ANO2: variants seen among roughly 807,000 people sequenced by gnomAD.
ANO2 encodes anoctamin-2.
In ANO2, 101 loss-of-function variants were observed where a neutral mutation model predicts 124.2. The observed-to-expected ratio is 0.81, with a 90% CI of 0.69 to 0.96. The LOEUF (loss-of-function observed/expected upper bound fraction) is 0.96. Among genes scored for constraint, ANO2 ranks in the 40% least tolerant of loss-of-function variants. The pLI is 0.00. For synonymous variants in ANO2, 486 were observed against 482.5 expected (o/e 1.01, Z -0.09); for missense variants, 1,293 against 1,274.5 (o/e 1.01, Z -0.22).
Position 5,904,393 on chromosome 12 carries a change from T to C in ANO2, c.534+16647A>G, listed in dbSNP as rs778631661. Among the ~76,000 whole-genome samples the C allele has an allele frequency of 1.2e-4, 18 of 152,064 alleles. No individual in the cohort carries two copies. The highest frequency in any genetic ancestry group is 2.1e-4 in the South Asian group (1 of 4,810). On this transcript the variant is annotated intron_variant, in intron 3 of 24. Coordinates refer to ENST00000682330, the MANE Select transcript of ANO2 (RefSeq NM_001364791.2). This position sits in a 1 kb window ranked among gnomAD's most constrained non-coding sequence, Gnocchi z 4.1. Reference sequence around the variant, plus strand: ...CACTGAAGGGTCTGAATGAGTGGGATTGGAAGGAGGGAGAGTGATGGGAAA... The same window carrying C: ...CACTGAAGGGTCTGAATGAGTGGGACTGGAAGGAGGGAGAGTGATGGGAAA...
At chr12:5,791,608 AT>A (rs1449914869) in intron 10 of ANO2, among the ~76,000 whole-genome samples, 8 of 152,224 alleles carry the variant, frequency 5.3e-5, no homozygotes, top group African/African-American at 1.9e-4. Context: ...TGTGAAAAAA[AT>A]AAAAGTTTCT....
At chr12:5,637,024 G>T (rs905469179) in intron 15 of ANO2, among the ~76,000 whole-genome samples, 2 of 147,206 alleles carry the variant, frequency 1.4e-5, no homozygotes, top group African/African-American at 5.0e-5. Context: ...GAGAGGAGAG[G>T]TTAGATGGGA....
At chr12:5,838,604 C>T (rs1954403928) in intron 4 of ANO2, among the ~76,000 whole-genome samples, 1 of 152,184 alleles carries the variant, frequency 6.6e-6, no homozygotes, top group Non-Finnish European at 1.5e-5. Context: ...TCCCTCCTCT[C>T]CCGCCTGGAT....
chr12:5,822,595 G>A (rs1953838781), intron 7 of ANO2, among the ~76,000 whole-genome samples: 1 of 152,172 alleles, frequency 6.6e-6, no homozygotes, highest in Non-Finnish European at 1.5e-5. Flanking sequence ...CCAACACTGA[G>A]CCCTAAATAT....
chr12:5,843,006 G>C (rs1248938598), intron 4 of ANO2, among the ~76,000 whole-genome samples: 2 of 152,106 alleles, frequency 1.3e-5, no homozygotes, highest in African/African-American at 4.8e-5. Context: ...AGCCCATAAA[G>C]GTATTAAATA....
intron 1 of ANO2, among the ~76,000 whole-genome samples, chr12:5,931,917 G>C (rs1414942597): frequency 2.0e-4 from 25 of 127,982 alleles, no homozygotes; most frequent in African/African-American, 6.7e-4. Context: ...AGACTGGTAA[G>C]AAAGTGACTA....
intron 11 of ANO2, 22 bp downstream of exon 11, chr12:5,750,814 C>A: frequency 6.2e-7 from 1 of 1,604,576 alleles, no homozygotes. Context: ...CAACTGAGCC[C>A]TTTTCTTTAA....
In ANO2 at chr12:5,837,293, C is replaced by CTTT. The variant is rs10623130; in HGVS notation, c.634-4693_634-4691dup. On this transcript the variant is annotated intron_variant, in intron 4 of 24. Coordinates refer to ENST00000682330, the MANE Select transcript of ANO2 (RefSeq NM_001364791.2). ...GCCTGCATTTAGTTGATGCAGATTTCTTTTTTTTTTTTTTTTTTTATGATT... is the reference window on the plus strand; with the variant it reads ...GCCTGCATTTAGTTGATGCAGATTTCTTTTTTTTTTTTTTTTTTTTTTATGATT... Among the ~76,000 whole-genome samples the CTTT allele has an allele frequency of 2.3e-3, 223 of 95,592 alleles. 4 individuals carry two copies. The highest frequency in any genetic ancestry group is 5.3e-3 in the African/African-American group (130 of 24,466). 62.7% of individuals were successfully genotyped at this position (95,592 alleles called of 152,430 possible).
At chr12:5,837,422 A>C (rs1954364075) in intron 4 of ANO2, among the ~76,000 whole-genome samples, 1 of 135,978 alleles carries the variant, frequency 7.4e-6, no homozygotes, top group African/African-American at 2.8e-5. Flanking sequence ...GGTGCGCTGC[A>C]CCCACTAACT....
chr12:5,784,941 T>C (rs1394722852), intron 10 of ANO2, among the ~76,000 whole-genome samples: 4 of 152,232 alleles, frequency 2.6e-5, no homozygotes, highest in Non-Finnish European at 5.9e-5. Context: ...TTTATGTTCC[T>C]AACCCCGAGT....
At position 5,799,531 on chromosome 12, in the gene ANO2, TTA is replaced by T. The variant is rs1223282412; in HGVS notation, c.1029_1030del (p.Tyr343Ter). 2 of 1,613,952 alleles carry T rather than the reference TTA, an allele frequency of 1.2e-6. No individual in the cohort carries two copies. The highest frequency in any genetic ancestry group is 1.7e-6 in the Non-Finnish European group (2 of 1,179,856). The stretch of plus-strand genomic sequence containing the variant: ...CCTGATGAGGTCAATAGGTTGGAAC[TTA>T]TAGAACACTCCATAGCGCGCCCATT... On this transcript the variant is annotated stop_gained and frameshift_variant, in exon 10 of 25. Coordinates refer to ENST00000682330, the MANE Select transcript of ANO2 (RefSeq NM_001364791.2). LOFTEE classifies it high-confidence loss of function.
chr12:5,869,630 C>T (rs1001706547), intron 3 of ANO2, among the ~76,000 whole-genome samples: 27 of 152,120 alleles, frequency 1.8e-4, no homozygotes, highest in African/African-American at 4.1e-4. Context: ...CTTGTTTAAC[C>T]GTTACTCAGG....
Position 5,569,741 on chromosome 12 carries a change from T to C in ANO2, c.2622-4078A>G, listed in dbSNP as rs549224775. 5.9e-5 allele frequency among the ~76,000 whole-genome samples: 9 copies of C among 152,236 alleles called. No individual in the cohort carries two copies. The South Asian group carries it at 1.2e-3, about 21-fold the overall frequency. ...ATGTGTGTGCGTGTGTGTCTGCTTG[T>C]GTGTATACCTTGCATTTTAAAGAAA... On this transcript the variant is annotated intron_variant, in intron 23 of 24. Transcript: ENST00000682330.
chr12:5,773,851 A>G (rs1952153152), intron 10 of ANO2, among the ~76,000 whole-genome samples: 1 of 152,210 alleles, frequency 6.6e-6, no homozygotes, highest in Non-Finnish European at 1.5e-5. Flanking sequence ...AACCTGCACA[A>G]CTGTCATACA....
chr12:5,647,472 A>C (rs1946699726), intron 15 of ANO2, among the ~76,000 whole-genome samples: 1 of 152,094 alleles, frequency 6.6e-6, no homozygotes, highest in Non-Finnish European at 1.5e-5. Flanking sequence ...ATCTTACCTG[A>C]TTCCTTCTCC....
chr12:5,736,353 C>A (rs1296535417), intron 13 of ANO2, among the ~76,000 whole-genome samples: 1 of 152,170 alleles, frequency 6.6e-6, no homozygotes, highest in African/African-American at 2.4e-5. Context: ...CTAGAGGGTG[C>A]ACAAGCTTTG....
intron 12 of ANO2, among the ~76,000 whole-genome samples, chr12:5,742,590 T>C (rs182645314): frequency 1.9e-4 from 29 of 152,228 alleles, no homozygotes; most frequent in African/African-American, 6.3e-4. Context: ...GGAAGTACAA[T>C]TGAAAACCAA....
intron 14 of ANO2, among the ~76,000 whole-genome samples, chr12:5,675,500 C>T (rs1948198220): frequency 6.6e-6 from 1 of 152,160 alleles, no homozygotes; most frequent in African/African-American, 2.4e-5. Flanking sequence ...ATTGTCACCT[C>T]CTCCAGACCC....
At chr12:5,590,637 G>A (rs1331878430) in intron 20 of ANO2, among the ~76,000 whole-genome samples, 2 of 152,210 alleles carry the variant, frequency 1.3e-5, no homozygotes, top group Admixed American at 6.5e-5. Context: ...GGCCTCAGTA[G>A]GTGGTTTCTA....
Sources: gnomAD v4.1 joint callset for allele counts (sites outside exome capture counted in the v4.1 genomes callset) on GRCh38, gnomAD v4.1.1 for gene constraint, Gnocchi (gnomAD v3.1) non-coding constraint, MANE v1.5 for transcripts, NCBI Gene and HGNC (gene_info 2026-07-23, HGNC 2026-07-21) for gene names.